Variants in CLEC6A observed in about 807,000 individuals in gnomAD.
CLEC6A encodes C-type lectin domain family 6 member A.
CLEC6A carries 22 observed loss-of-function variants against 25.7 expected under a neutral mutation model. That is an observed-to-expected ratio of 0.85 (90% CI 0.61 to 1.22). The LOEUF (loss-of-function observed/expected upper bound fraction) is 1.22, where lower values mean the gene tolerates loss of function less well. Among genes scored for constraint, CLEC6A ranks in the 50% most tolerant of loss-of-function variants. The probability of loss-of-function intolerance (pLI) is 0.00; values close to 1 mark genes in which losing one functional copy is unlikely to be tolerated. For missense variants in CLEC6A, 240 were observed against 236.8 expected (o/e 1.01, Z -0.09); for synonymous variants, 92 against 76.7 (o/e 1.20, Z -1.04).
intron 4 of CLEC6A, among the ~76,000 whole-genome samples, chr12:8,469,020 G>T (rs946091794): frequency 6.6e-6 from 1 of 152,042 alleles, no homozygotes; most frequent in Admixed American, 6.6e-5. Flanking sequence ...CTGATGACAT[G>T]GTTATACCTA....
chr12:8,464,263 T>C (rs1042047373), intron 3 of CLEC6A, among the ~76,000 whole-genome samples: 2 of 151,820 alleles, frequency 1.3e-5, no homozygotes, highest in African/African-American at 2.4e-5. Context: ...ATATTAGTAA[T>C]GCAAAATAAA....
intron 3 of CLEC6A, among the ~76,000 whole-genome samples, chr12:8,461,798 C>A (rs1591706383): frequency 6.6e-6 from 1 of 152,156 alleles, no homozygotes; most frequent in South Asian, 2.1e-4. Flanking sequence ...AGTGTGGAGA[C>A]TTTCAGCTGC....
chr12:8,458,984 AGTTT>A (rs1939715409), intron 2 of CLEC6A, among the ~76,000 whole-genome samples: 3 of 152,152 alleles, frequency 2.0e-5, no homozygotes, highest in African/African-American at 7.2e-5. Context: ...AAACGTTTAA[AGTTT>A]CCCCTTGGTG....
chr12:8,470,607 T>C (rs1003259454), intron 4 of CLEC6A, among the ~76,000 whole-genome samples: 4 of 152,068 alleles, frequency 2.6e-5, no homozygotes, highest in Non-Finnish European at 5.9e-5. Context: ...GCAACTTGGA[T>C]GGAATTAAAG....
intron 1 of CLEC6A, among the ~76,000 whole-genome samples, chr12:8,457,217 T>A (rs1409449177): frequency 6.6e-6 from 1 of 152,196 alleles, no homozygotes; most frequent in Non-Finnish European, 1.5e-5. Flanking sequence ...CCCTTCTCTA[T>A]CTTCTCTTCC....
chr12:8,467,702 T>C (rs545266538), intron 4 of CLEC6A, among the ~76,000 whole-genome samples: 113 of 152,326 alleles, frequency 7.4e-4, no homozygotes, highest in Non-Finnish European at 1.2e-3. Context: ...ACTTTAGAAT[T>C]TTCTTTCTTT....
intron 4 of CLEC6A, among the ~76,000 whole-genome samples, chr12:8,475,439 A>G (rs749497445): frequency 1.3e-5 from 2 of 152,106 alleles, no homozygotes; most frequent in African/African-American, 4.8e-5. Context: ...TACGTAGGCT[A>G]AGAAGTCCTG....
intron 3 of CLEC6A, chr12:8,461,009 G>A: frequency 6.9e-7 from 1 of 1,451,046 alleles, no homozygotes; most frequent in Non-Finnish European, 9.6e-7. Context: ...AAATTTTTGG[G>A]GGTTATCCTC....
chr12:8,475,632 T>G (rs1939963739), intron 4 of CLEC6A, among the ~76,000 whole-genome samples: 1 of 152,036 alleles, frequency 6.6e-6, no homozygotes, highest in Non-Finnish European at 1.5e-5. Flanking sequence ...GAATTCCTCC[T>G]TCCTCTGCCT....
chr12:8,464,361 T>G (rs4301855), intron 3 of CLEC6A, among the ~76,000 whole-genome samples: 115,139 of 149,116 alleles, frequency 0.77, 44,924 homozygotes, highest in East Asian at 0.99. Flanking sequence ...ACGGAGTCTC[T>G]CTCTGTCGCC....
At position 8,456,736 on chromosome 12, in the gene CLEC6A, C is replaced by T. The variant is rs138416640; in HGVS notation, c.31+594C>T. On this transcript the variant is annotated intron_variant, in intron 1 of 5. Coordinates refer to ENST00000382073, the MANE Select transcript of CLEC6A (RefSeq NM_001007033.2). The stretch of plus-strand genomic sequence containing the variant: ...GGTAAAGTCTGGAAAATTACATTAT[C>T]CATCACCTCAAATATTTATCATGTC... 7.9e-3 allele frequency among the ~76,000 whole-genome samples: 1,201 copies of T among 152,172 alleles called. 25 individuals carry two copies. The highest frequency in any genetic ancestry group is 0.028 in the African/African-American group (1,165 of 41,512).
At chr12:8,462,825 CTT>C (rs1034404578) in intron 3 of CLEC6A, among the ~76,000 whole-genome samples, 1 of 152,048 alleles carries the variant, frequency 6.6e-6, no homozygotes, top group Non-Finnish European at 1.5e-5. Context: ...GTCTCTGTGT[CTT>C]TTTCTTTTCC....
intron 4 of CLEC6A, among the ~76,000 whole-genome samples, chr12:8,469,424 GA>G (rs140414120): frequency 1.1e-4 from 16 of 145,106 alleles, no homozygotes; most frequent in South Asian, 8.7e-4. Context: ...CTCAGAACTA[GA>G]AAAAAAAAAC....
chr12:8,467,757 C>T (rs1480894065), intron 4 of CLEC6A, among the ~76,000 whole-genome samples: 2 of 152,106 alleles, frequency 1.3e-5, no homozygotes, highest in South Asian at 2.1e-4. Flanking sequence ...CACATTGACT[C>T]TTTAGATTGC....
At chr12:8,461,732 T>C (rs1939757405) in intron 3 of CLEC6A, among the ~76,000 whole-genome samples, 1 of 152,178 alleles carries the variant, frequency 6.6e-6, no homozygotes, top group Non-Finnish European at 1.5e-5. Context: ...CGTTAAAAAA[T>C]AATTGAAATC....
intron 4 of CLEC6A, among the ~76,000 whole-genome samples, chr12:8,471,744 G>T (rs1373733840): frequency 6.6e-6 from 1 of 152,036 alleles, no homozygotes; most frequent in African/African-American, 2.4e-5. Context: ...TTATGGTGGT[G>T]TCTATTTCTC....
At chr12:8,461,911 C>A (rs1198210288) in intron 3 of CLEC6A, among the ~76,000 whole-genome samples, 1 of 152,082 alleles carries the variant, frequency 6.6e-6, no homozygotes, top group South Asian at 2.1e-4. Flanking sequence ...AACATATATG[C>A]CCTCCAATAC....
At chr12:8,460,021 T>C (rs750829701) in intron 3 of CLEC6A, among the ~76,000 whole-genome samples, 1 of 152,322 alleles carries the variant, frequency 6.6e-6, no homozygotes, top group Admixed American at 6.5e-5. Flanking sequence ...CATAAAATAA[T>C]TTCTTTGACA....
At chr12:8,457,729 G>A (rs987961725) in intron 1 of CLEC6A, among the ~76,000 whole-genome samples, 169 bp from the exon 2 acceptor site, 5 of 152,200 alleles carry the variant, frequency 3.3e-5, no homozygotes, top group African/African-American at 7.2e-5. Flanking sequence ...GGACCACAGA[G>A]CTACTACCTG....
Sources: gnomAD v4.1 joint callset for allele counts (sites outside exome capture counted in the v4.1 genomes callset) on GRCh38, gnomAD v4.1.1 for gene constraint, MANE v1.5 for transcripts, NCBI Gene and HGNC (gene_info 2026-07-23, HGNC 2026-07-21) for gene names.